PHACTR1: variants seen among roughly 807,000 people sequenced by gnomAD.
The protein encoded by PHACTR1 is RPEL repeat containing 1.
PHACTR1 carries 16 observed loss-of-function variants against 69.2 expected under a neutral mutation model. The observed-to-expected ratio is 0.23, with a 90% CI of 0.16 to 0.35. The LOEUF (loss-of-function observed/expected upper bound fraction) is 0.35. Among genes scored for constraint, PHACTR1 ranks in the 10% least tolerant of loss-of-function variants. The probability of loss-of-function intolerance (pLI) is 1.00; values close to 1 mark genes in which losing one functional copy is unlikely to be tolerated. For synonymous variants in PHACTR1, 312 were observed against 284.5 expected, an observed-to-expected ratio of 1.10 and a Z score of -0.97; for missense variants, 510 against 734.7, an observed-to-expected ratio of 0.69 and a Z score of 3.54.
chr6:12,849,785 C>T (rs1779654430), intron 4 of PHACTR1, among the ~76,000 whole-genome samples: 1 of 152,046 alleles, frequency 6.6e-6, no homozygotes. Flanking sequence ...CCCCAGAATT[C>T]CTAGGAATCT....
chr6:12,778,330 T>C (rs1338891160), intron 4 of PHACTR1, among the ~76,000 whole-genome samples: 1 of 152,248 alleles, frequency 6.6e-6, no homozygotes, highest in Non-Finnish European at 1.5e-5. Flanking sequence ...AAGATGTTGT[T>C]TGGCTGAAAT....
At chr6:13,012,025 G>C (rs775651772) in intron 4 of PHACTR1, among the ~76,000 whole-genome samples, 5 of 152,184 alleles carry the variant, frequency 3.3e-5, no homozygotes, top group Non-Finnish European at 2.9e-5. Flanking sequence ...CCAGCAAAAG[G>C]GGGGTGGTTG....
intron 4 of PHACTR1, among the ~76,000 whole-genome samples, chr6:12,995,584 G>T (rs990045726): frequency 9.2e-5 from 14 of 151,736 alleles, no homozygotes; most frequent in Non-Finnish European, 1.8e-4. Context: ...ACTTAATTAC[G>T]TATCCATTAA....
intron 4 of PHACTR1, among the ~76,000 whole-genome samples, chr6:12,961,244 C>CA (rs1469931062): frequency 1.3e-5 from 2 of 150,846 alleles, no homozygotes; most frequent in Non-Finnish European, 3.0e-5. Flanking sequence ...TTAAGAGAAA[C>CA]AAAAAAAAGT....
At chr6:12,952,615 G>A (rs1262995911) in intron 4 of PHACTR1, among the ~76,000 whole-genome samples, 2 of 152,014 alleles carry the variant, frequency 1.3e-5, no homozygotes, top group Non-Finnish European at 2.9e-5. Flanking sequence ...TTATGCATAC[G>A]CCTCCTGAAG....
At chr6:12,817,064 G>T (rs923290508) in intron 4 of PHACTR1, among the ~76,000 whole-genome samples, 5 of 152,144 alleles carry the variant, frequency 3.3e-5, no homozygotes, top group Admixed American at 6.6e-5. Flanking sequence ...GTAACGGCAG[G>T]ATTTTTATGG....
chr6:13,100,593 C>G (rs1158881587), intron 5 of PHACTR1, among the ~76,000 whole-genome samples: 1 of 152,170 alleles, frequency 6.6e-6, no homozygotes, highest in Non-Finnish European at 1.5e-5. Context: ...ATTTCCATCT[C>G]TTGGCTTCTT....
chr6:13,176,211 G>GA (rs1252173024), intron 6 of PHACTR1, among the ~76,000 whole-genome samples: 2 of 152,028 alleles, frequency 1.3e-5, no homozygotes, highest in African/African-American at 4.8e-5. Flanking sequence ...TCTTGCAGGG[G>GA]AAAAAAAGTG....
intron 4 of PHACTR1, among the ~76,000 whole-genome samples, chr6:12,805,896 C>A (rs141292547): frequency 6.6e-6 from 1 of 152,108 alleles, no homozygotes; most frequent in African/African-American, 2.4e-5. Context: ...CCACCATGCC[C>A]GGCCTATTTT....
At chr6:12,754,411 A>G (rs1409239066) in intron 4 of PHACTR1, among the ~76,000 whole-genome samples, 1 of 152,126 alleles carries the variant, frequency 6.6e-6, no homozygotes, top group African/African-American at 2.4e-5. Flanking sequence ...CTGATTGTAA[A>G]TTGAAGGCAG....
chr6:13,079,728 G>A (rs984062640), intron 5 of PHACTR1, among the ~76,000 whole-genome samples: 1 of 152,098 alleles, frequency 6.6e-6, no homozygotes, highest in African/African-American at 2.4e-5. Flanking sequence ...CAATCTCAGG[G>A]TGTGCAGTGA....
chr6:12,802,888 T>C (rs1039515336), intron 4 of PHACTR1, among the ~76,000 whole-genome samples: 1 of 152,206 alleles, frequency 6.6e-6, no homozygotes, highest in Non-Finnish European at 1.5e-5. Context: ...GTTTTGAGTT[T>C]GGTTTCCCAT....
chr6:13,197,829 C>T (rs1018507656), intron 7 of PHACTR1, among the ~76,000 whole-genome samples: 1 of 152,184 alleles, frequency 6.6e-6, no homozygotes, highest in African/African-American at 2.4e-5. Flanking sequence ...TCCTCCTCCA[C>T]AAGGCTCTGG....
chr6:13,231,902 T>A (rs1771279341), intron 10 of PHACTR1, among the ~76,000 whole-genome samples: 1 of 152,236 alleles, frequency 6.6e-6, no homozygotes, highest in Non-Finnish European at 1.5e-5. Context: ...TAGAGAACTT[T>A]GGTTACTTTG....
chr6:12,927,966 G>T (rs758553840), intron 4 of PHACTR1, among the ~76,000 whole-genome samples: 1 of 152,198 alleles, frequency 6.6e-6, no homozygotes, highest in African/African-American at 2.4e-5. Context: ...CTCTTGCTCT[G>T]CCACCAGCAT....
At chr6:12,855,853 C>G (rs1340375342) in intron 4 of PHACTR1, among the ~76,000 whole-genome samples, 1 of 152,098 alleles carries the variant, frequency 6.6e-6, no homozygotes, top group Non-Finnish European at 1.5e-5. Context: ...CTGAAAATGT[C>G]ATAAGAACAG....
intron 4 of PHACTR1, among the ~76,000 whole-genome samples, chr6:12,820,078 T>G (rs1314090654): frequency 6.6e-6 from 1 of 152,220 alleles, no homozygotes; most frequent in Non-Finnish European, 1.5e-5. Context: ...AGGAATGGGA[T>G]GGGGGTGATT....
At chr6:12,788,398 A>G (rs1036715444) in intron 4 of PHACTR1, among the ~76,000 whole-genome samples, 4 of 152,206 alleles carry the variant, frequency 2.6e-5, no homozygotes, top group African/African-American at 9.6e-5. Context: ...TAGTGATGAT[A>G]TACAAAATCA....
chr6:12,956,406 A>G (rs1038158150), intron 4 of PHACTR1, among the ~76,000 whole-genome samples: 1 of 152,052 alleles, frequency 6.6e-6, no homozygotes, highest in African/African-American at 2.4e-5. Context: ...CTTAGTGGGT[A>G]TCATCTGGAC....
Sources: allele counts gnomAD v4.1 joint callset (sites outside exome capture counted in the v4.1 genomes callset), GRCh38; gene constraint gnomAD v4.1.1; transcripts MANE v1.5; gene names NCBI Gene and HGNC (gene_info 2026-07-23, HGNC 2026-07-21).